The following COL21A1 variants were observed in gnomAD, a reference collection of about 807,000 sequenced individuals.
COL21A1 encodes the protein collagen alpha-1(XXI) chain.
Under a neutral mutation model 137.9 loss-of-function variants are expected in COL21A1, and 149 were observed. The observed-to-expected ratio is 1.08, with a 90% CI of 0.95 to 1.24. The LOEUF is 1.24. Among genes scored for constraint, COL21A1 ranks in the 50% most tolerant of loss-of-function variants. COL21A1 has a pLI of 0.00. For missense variants in COL21A1, 1,167 were observed against 1,158.4 expected, an observed-to-expected ratio of 1.01 and a Z score of -0.11; for synonymous variants, 456 against 391.5, an observed-to-expected ratio of 1.16 and a Z score of -1.95.
intron 1 of COL21A1, among the ~76,000 whole-genome samples, chr6:56,229,217 CA>C (rs1014815813): frequency 2.0e-5 from 3 of 151,046 alleles, no homozygotes; most frequent in Non-Finnish European, 3.0e-5. Context: ...CCTGTCTCTA[CA>C]AAAAAAAATT....
chr6:56,058,001 A>G (rs1293195268), intron 29 of COL21A1, among the ~76,000 whole-genome samples, 157 bp from the exon 30 acceptor site: 2 of 152,124 alleles, frequency 1.3e-5, no homozygotes, highest in East Asian at 1.9e-4. Context: ...ATAATTCTAC[A>G]TGTCTTCTGC....
chr6:56,335,175 G>A (rs1426096023), intron 1 of COL21A1, among the ~76,000 whole-genome samples: 1 of 152,036 alleles, frequency 6.6e-6, no homozygotes, highest in Non-Finnish European at 1.5e-5. Flanking sequence ...CACATGAGTT[G>A]GACCACTGGT....
intron 3 of COL21A1, among the ~76,000 whole-genome samples, chr6:56,175,308 A>T (rs1384935055): frequency 6.6e-6 from 1 of 152,152 alleles, no homozygotes; most frequent in East Asian, 1.9e-4. Flanking sequence ...GAAAAGAAAT[A>T]AAAGGCATTC....
At chr6:56,138,276 A>T (rs1227701304) in intron 12 of COL21A1, among the ~76,000 whole-genome samples, 1 of 150,452 alleles carries the variant, frequency 6.6e-6, no homozygotes, top group Non-Finnish European at 1.5e-5. Context: ...TTACTATAGT[A>T]GTAATCATAT....
intron 1 of COL21A1, among the ~76,000 whole-genome samples, chr6:56,298,808 CTATT>C: frequency 6.6e-6 from 1 of 152,206 alleles, no homozygotes; most frequent in African/African-American, 2.4e-5. Context: ...TCCTTTCTCT[CTATT>C]TAATCTTTTT....
At chr6:56,215,292 T>C (rs1384141067) in intron 1 of COL21A1, among the ~76,000 whole-genome samples, 3 of 152,024 alleles carry the variant, frequency 2.0e-5, no homozygotes, top group African/African-American at 7.2e-5. Flanking sequence ...ATATCCTTTA[T>C]TATCCCAAAT....
rs558416982 is a variant in COL21A1, at chr6:56,288,136, C to T, written c.-38-105480G>A. Among the ~76,000 whole-genome samples the T allele has an allele frequency of 1.2e-3, 190 of 152,060 alleles. 1 individual carries two copies. Among genetic ancestry groups the T allele is most frequent in the African/African-American group, 4.4e-3 (183 of 41,488 alleles). On this transcript the variant is annotated intron_variant, in intron 1 of 28. Coordinates refer to the COL21A1 transcript ENST00000370819. ...TTGCAGCAGCAATAGGAAGCTAATA[C>T]AGGTCCCCGTACAAACATTCATGCA...
intron 1 of COL21A1, among the ~76,000 whole-genome samples, chr6:56,279,413 G>A (rs533322130): frequency 6.6e-6 from 1 of 152,312 alleles, no homozygotes; most frequent in East Asian, 1.9e-4. Context: ...TTGTGGTGAA[G>A]TTGGCTGCTA....
chr6:56,057,538 A>G lies in COL21A1; in HGVS notation c.*119T>C. The G allele has an allele frequency of 1.1e-6, 1 of 932,354 alleles. No homozygotes were observed. Among genetic ancestry groups the G allele is most frequent in the Non-Finnish European group, 1.6e-6 (1 of 615,220 alleles). 57.8% of individuals were successfully genotyped at this position (932,354 alleles called of 1,614,324 possible). On this transcript the variant is annotated 3_prime_UTR_variant, in exon 30 of 30. Transcript: ENST00000244728. ...ATATTTTTTTCCATAAGAAAAAAAAAATAAAAACACCGAGGTACTTAAGTT... is the reference window on the plus strand; with the variant it reads ...ATATTTTTTTCCATAAGAAAAAAAAGATAAAAACACCGAGGTACTTAAGTT...
intron 1 of COL21A1, among the ~76,000 whole-genome samples, chr6:56,312,782 C>A (rs983550451): frequency 1.3e-5 from 2 of 152,060 alleles, no homozygotes; most frequent in African/African-American, 4.8e-5. Flanking sequence ...GAATAATGGA[C>A]TGATACCATC....
At chr6:56,275,249 A>C (rs9370501) in intron 1 of COL21A1, among the ~76,000 whole-genome samples, 1 of 151,994 alleles carries the variant, frequency 6.6e-6, no homozygotes, top group Admixed American at 6.5e-5. Flanking sequence ...AAGACCTCAA[A>C]CTATAAAAAT....
At chr6:56,113,578 C>G (rs781602723) in intron 16 of COL21A1, among the ~76,000 whole-genome samples, 52 of 152,320 alleles carry the variant, frequency 3.4e-4, no homozygotes, top group Non-Finnish European at 6.6e-4. Flanking sequence ...ACGTACTACA[C>G]CAAGGGCCTT....
intron 1 of COL21A1, among the ~76,000 whole-genome samples, chr6:56,325,992 ATATACATAC>A (rs1455027055): frequency 9.8e-3 from 4 of 408 alleles, no homozygotes; most frequent in South Asian, 0.071. Context: ...TAATATATGT[ATATACATAC>A]ATATATTATG....
intron 5 of COL21A1, 72 bp downstream of exon 5, chr6:56,170,577 C>T (rs1776955234): frequency 2.0e-6 from 2 of 979,720 alleles, no homozygotes; most frequent in South Asian, 1.7e-5. Context: ...CCCTCTTTTC[C>T]CCAACACACA....
chr6:56,170,152 G>A (rs1776918731), intron 5 of COL21A1, among the ~76,000 whole-genome samples: 3 of 151,556 alleles, frequency 2.0e-5, no homozygotes, highest in Non-Finnish European at 4.4e-5. Context: ...CTAAATTAAG[G>A]TAAATTTCAT....
intron 2 of COL21A1, among the ~76,000 whole-genome samples, chr6:56,180,419 C>T (rs192709102): frequency 1.5e-4 from 23 of 152,146 alleles, no homozygotes; most frequent in Admixed American, 1.5e-3. Context: ...CCAAGATCAC[C>T]CAATGAATCA....
chr6:56,333,957 G>C (rs1315817218), intron 1 of COL21A1, among the ~76,000 whole-genome samples: 1 of 151,602 alleles, frequency 6.6e-6, no homozygotes, highest in Non-Finnish European at 1.5e-5. Context: ...TTCTGATTCT[G>C]TTGTTTTGAG....
chr6:56,196,603 A>G (rs1779039696), intron 1 of COL21A1, among the ~76,000 whole-genome samples: 1 of 152,120 alleles, frequency 6.6e-6, no homozygotes, highest in Non-Finnish European at 1.5e-5. Flanking sequence ...AGAAAGGAAT[A>G]TAATTTACAA....
At chr6:56,361,874 C>T (rs1765979132) in intron 1 of COL21A1, among the ~76,000 whole-genome samples, 1 of 152,102 alleles carries the variant, frequency 6.6e-6, no homozygotes, top group African/African-American at 2.4e-5. Flanking sequence ...TGTAAGGAAG[C>T]ACAGCTCAAA....
Sources: allele counts gnomAD v4.1 joint callset (sites outside exome capture counted in the v4.1 genomes callset), GRCh38; gene constraint gnomAD v4.1.1; transcripts MANE v1.5; gene names NCBI Gene and HGNC (gene_info 2026-07-23, HGNC 2026-07-21).